DMXL1: variants seen among roughly 807,000 people sequenced by gnomAD.
DMXL1 encodes dmX-like protein 1.
In DMXL1, 99 loss-of-function variants were observed where a neutral mutation model predicts 319.2. The observed-to-expected ratio is 0.31, with a 90% confidence interval of 0.26 to 0.37. DMXL1 has a LOEUF of 0.37. Ranked by LOEUF, DMXL1 falls within the 10% of genes least tolerant of loss-of-function variation. The probability of loss-of-function intolerance (pLI) is 1.00; values close to 1 mark genes in which losing one functional copy is unlikely to be tolerated. For synonymous variants in DMXL1, 1,385 were observed against 1,235.2 expected (o/e 1.12, Z -2.54); for missense variants, 3,745 against 3,595.6 (o/e 1.04, Z -1.06).
At chr5:119,224,885 C>G (rs1785256146) in intron 38 of DMXL1, 116 bp downstream of exon 38, 2 of 425,734 alleles carry the variant, frequency 4.7e-6, no homozygotes, top group Non-Finnish European at 8.4e-6. Context: ...ATTTATTTGA[C>G]TTTTTTTCTA....
chr5:119,171,834 C>T lies in DMXL1; in HGVS notation c.6546C>T (p.Leu2182=), dbSNP rs750914721. ...TGTCAGAGCAAACCTCAGTGCCTCT[C>T]CTCTTTGCTTGTACAGCCAATGCCA... ...SPLSEQTSVP[L]LFACTANAKT... Residue 2182 remains leucine, a synonymous_variant, in exon 25 of 44, where the codon CTC becomes CTT. Transcript: ENST00000539542. 2 of 1,613,910 alleles carry T rather than the reference C, an allele frequency of 1.2e-6. No individual in the cohort carries two copies. The highest frequency in any genetic ancestry group is 1.7e-5 in the Admixed American group (1 of 60,010).
chr5:119,112,380 G>A (rs1185872947), intron 5 of DMXL1, among the ~76,000 whole-genome samples: 3 of 152,148 alleles, frequency 2.0e-5, no homozygotes, highest in South Asian at 2.1e-4. Context: ...TTGTTGAATG[G>A]TTCCAGTCAG....
chr5:119,146,016 T>G (rs1056039121), intron 15 of DMXL1, among the ~76,000 whole-genome samples: 1 of 151,808 alleles, frequency 6.6e-6, no homozygotes, highest in African/African-American at 2.4e-5. Flanking sequence ...TTAGAATACA[T>G]TACCAAAGTT....
At chr5:119,233,265 C>T (rs1309701380) in intron 38 of DMXL1, 75 bp from the exon 39 acceptor site, 8 of 1,446,028 alleles carry the variant, frequency 5.5e-6, no homozygotes, top group Admixed American at 2.2e-5. Context: ...TAAAGATTTT[C>T]ACATAGGATA....
intron 32 of DMXL1, 58 bp downstream of exon 32, chr5:119,198,014 T>G (rs942575320): frequency 1.3e-6 from 2 of 1,514,342 alleles, no homozygotes; most frequent in Non-Finnish European, 1.8e-6. Context: ...TTTGAGATGG[T>G]GTCTCGCTCT....
intron 38 of DMXL1, among the ~76,000 whole-genome samples, chr5:119,228,381 A>G (rs375631717): frequency 6.6e-6 from 1 of 152,238 alleles, no homozygotes; most frequent in African/African-American, 2.4e-5. Flanking sequence ...ATTCATTATC[A>G]TAATGCACAA....
At chr5:119,122,055 C>T (rs1762213486) in intron 9 of DMXL1, among the ~76,000 whole-genome samples, 1 of 146,506 alleles carries the variant, frequency 6.8e-6, no homozygotes, top group Non-Finnish European at 1.5e-5. Context: ...CCCCAACCTC[C>T]CTCCCGGTCG....
intron 32 of DMXL1, among the ~76,000 whole-genome samples, chr5:119,199,052 AATTTTTTGT>A: frequency 6.6e-6 from 1 of 152,062 alleles, no homozygotes; most frequent in Admixed American, 6.5e-5. Context: ...ATGCCCAGCT[AATTTTTTGT>A]ATTTTTTGTA....
At chr5:119,235,135 C>T (rs1195533035) in intron 39 of DMXL1, among the ~76,000 whole-genome samples, 2 of 152,054 alleles carry the variant, frequency 1.3e-5, no homozygotes, top group African/African-American at 2.4e-5. Flanking sequence ...CACACTGTAT[C>T]ACAGTAATTC....
intron 5 of DMXL1, among the ~76,000 whole-genome samples, chr5:119,111,521 A>T (rs1759591518): frequency 6.6e-6 from 1 of 152,202 alleles, no homozygotes; most frequent in Non-Finnish European, 1.5e-5. Context: ...TTTGTCATTT[A>T]TGTTATATTG....
At chr5:119,107,941 G>C (rs1390162532) in intron 4 of DMXL1, among the ~76,000 whole-genome samples, 1 of 152,128 alleles carries the variant, frequency 6.6e-6, no homozygotes. Flanking sequence ...TTATAGATGA[G>C]AAAATTGAAG....
intron 38 of DMXL1, among the ~76,000 whole-genome samples, chr5:119,226,042 A>G (rs1337962216): frequency 6.6e-6 from 1 of 152,166 alleles, no homozygotes; most frequent in East Asian, 1.9e-4. Flanking sequence ...GTCCCATACC[A>G]TGTGTCCTGG....
intron 28 of DMXL1, among the ~76,000 whole-genome samples, chr5:119,178,917 C>T (rs1250394226): frequency 6.6e-6 from 1 of 151,690 alleles, no homozygotes; most frequent in Admixed American, 6.6e-5. Flanking sequence ...TATTTCTGTC[C>T]CTTAGACTTT....
rs770469507 is a variant in DMXL1, at chr5:119,224,760, C to T, written c.8329C>T (p.Leu2777Phe). Residue 2777 changes from leucine (L) to phenylalanine (F), a missense_variant, in exon 38 of 44, where the codon CTT becomes TTT. Transcript: ENST00000539542. Reference sequence around the variant, plus strand: ...TAGAAGAATGACTTCTCATCCAACTCTTCCTTACTGTAAGTTGAATAATAA... The same window carrying T: ...TAGAAGAATGACTTCTCATCCAACTTTTCCTTACTGTAAGTTGAATAATAA... ...NVRRMTSHPT[L>F]PYYLTGAQDG... 3 of 1,294,174 alleles carry T rather than the reference C, an allele frequency of 2.3e-6. No homozygotes were observed. The highest frequency in any genetic ancestry group is 3.1e-6 in the Non-Finnish European group (3 of 971,666). The allele number at this position is 1,294,174 out of a possible 1,614,324, so 80.2% of individuals were successfully genotyped here.
chr5:119,238,941 G>A, intron 40 of DMXL1, 48 bp from the exon 41 acceptor site: 1 of 1,606,072 alleles, frequency 6.2e-7, no homozygotes, highest in Non-Finnish European at 8.5e-7. Flanking sequence ...ACCTGGTTAT[G>A]ACATTTTTAG....
chr5:119,122,199 C>T (rs1459469697), intron 9 of DMXL1, among the ~76,000 whole-genome samples: 1 of 139,976 alleles, frequency 7.1e-6, no homozygotes, highest in Non-Finnish European at 1.6e-5. Context: ...CCTCACTTCC[C>T]AGTAGGGGCG....
chr5:119,132,698 A>C (rs1311627310), intron 10 of DMXL1: 40 of 464,140 alleles, frequency 8.6e-5, no homozygotes, highest in South Asian at 5.9e-4. Flanking sequence ...AAATGGAGCA[A>C]GTCCCTTTTC....
chr5:119,154,526 G>A (rs1770575517), intron 19 of DMXL1: 1 of 156,748 alleles, frequency 6.4e-6, no homozygotes. Context: ...TTAATTTCAT[G>A]AAAGCTGAGA....
chr5:119,185,611 T>C (rs1160289119), intron 28 of DMXL1, among the ~76,000 whole-genome samples: 1 of 152,194 alleles, frequency 6.6e-6, no homozygotes, highest in African/African-American at 2.4e-5. Flanking sequence ...CAGGTGATTC[T>C]TGTACCTCAG....
Sources: gnomAD v4.1 joint callset for allele counts (sites outside exome capture counted in the v4.1 genomes callset) on GRCh38, gnomAD v4.1.1 for gene constraint, MANE v1.5 for transcripts, NCBI Gene and HGNC (gene_info 2026-07-23, HGNC 2026-07-21) for gene names.